GKAP1: variants seen among roughly 807,000 people sequenced by gnomAD.
GKAP1 encodes G kinase anchoring protein 1.
Under a neutral mutation model 56.7 loss-of-function variants are expected in GKAP1, and 31 were observed. That is an observed-to-expected ratio of 0.55 (90% CI 0.41 to 0.74). The LOEUF (loss-of-function observed/expected upper bound fraction) is 0.74, where lower values mean the gene tolerates loss of function less well. Among genes scored for constraint, GKAP1 ranks in the 30% least tolerant of loss-of-function variants. The pLI, the probability that GKAP1 is intolerant of heterozygous loss-of-function variation, is 0.00. For missense variants in GKAP1, 364 were observed against 402.3 expected (o/e 0.90, Z 0.82); for synonymous variants, 151 against 138.6 (o/e 1.09, Z -0.63).
intron 5 of GKAP1, among the ~76,000 whole-genome samples, chr9:83,786,495 T>G (rs184958099): frequency 2.6e-4 from 40 of 151,156 alleles, no homozygotes; most frequent in African/African-American, 9.5e-4. Context: ...GAACCGAGAT[T>G]GCGCCATTAC....
chr9:83,753,452 C>A (rs1237557642), intron 8 of GKAP1, 93 bp from the exon 9 acceptor site: 1 of 834,726 alleles, frequency 1.2e-6, no homozygotes, highest in Non-Finnish European at 2.0e-6. Flanking sequence ...AGGAAAAATT[C>A]TGACCTTAAT....
chr9:83,780,327 G>C (rs1168408830), intron 7 of GKAP1, 55 bp downstream of exon 7: 1 of 1,023,084 alleles, frequency 9.8e-7, no homozygotes, highest in Admixed American at 2.4e-5. Context: ...AAGTATTTAA[G>C]TATTATTCTT....
chr9:83,753,976 G>A (rs1008631362), intron 8 of GKAP1, among the ~76,000 whole-genome samples: 3 of 152,046 alleles, frequency 2.0e-5, no homozygotes, highest in African/African-American at 7.2e-5. Context: ...TTGTTCTTTG[G>A]AACTTAAAAA....
At chr9:83,748,467 G>A (rs1267866649) in intron 9 of GKAP1, 95 bp from the exon 10 acceptor site, 3 of 661,906 alleles carry the variant, frequency 4.5e-6, no homozygotes, top group Non-Finnish European at 5.1e-6. Flanking sequence ...TTCTTGGCTT[G>A]CTCAAAGATA....
chr9:83,769,463 G>A (rs112397204), intron 7 of GKAP1, among the ~76,000 whole-genome samples: 2 of 152,112 alleles, frequency 1.3e-5, no homozygotes. Context: ...GCCTATTATG[G>A]ACATTTTGTA....
chr9:83,799,271 C>T lies in GKAP1; in HGVS notation c.274G>A (p.Ala92Thr), dbSNP rs745867590. The T allele has an allele frequency of 1.6e-5, 25 of 1,605,108 alleles. No individual in the cohort carries two copies. In the East Asian group the frequency reaches 3.8e-4, roughly 25 times the overall value. The part of the protein sequence containing the change: ...PQKSSHAVCN[A>T]QHDLPLSNPV... ...TTTGACAATGGAAGATCATGTTGAG[C>T]GTTACAAACAGCATGGGAGGATTTC... The change falls in exon 4 of 13, where the codon GCT (alanine) becomes ACT (threonine). Residue 92 changes from alanine (A) to threonine (T), a missense_variant. Physicochemically the swap from Ala to Thr is moderately conservative, Grantham distance 58. Transcript: ENST00000376371.
At chr9:83,740,023 A>G (rs1943180534) in intron 12 of GKAP1, among the ~76,000 whole-genome samples, 1 of 152,106 alleles carries the variant, frequency 6.6e-6, no homozygotes, top group Non-Finnish European at 1.5e-5. Context: ...ACTCATTTTG[A>G]CTGTTCTAGA....
chr9:83,754,033 A>G (rs942644793), intron 8 of GKAP1, among the ~76,000 whole-genome samples: 3 of 152,218 alleles, frequency 2.0e-5, no homozygotes, highest in Non-Finnish European at 4.4e-5. Flanking sequence ...CGCAAACAAA[A>G]AGTTGATTTG....
At position 83,799,237 on chromosome 9, in the gene GKAP1, T is replaced by C. The variant is rs150602176; in HGVS notation, c.308A>G (p.Gln103Arg). The change falls in exon 4 of 13, where the codon CAG becomes CGG. Residue 103 changes from glutamine to arginine, a missense_variant. Physicochemically the swap from Gln to Arg is conservative, Grantham distance 43 (BLOSUM62 1). Transcript: ENST00000376371. ...QHDLPLSNPV[Q>R]KDSREENWQE... ...CCAATTTTCTTCTCGTGAATCCTTC[T>C]GTACTGGGTTTGACAATGGAAGATC... The C allele has an allele frequency of 2.0e-5, 32 of 1,612,676 alleles. No individual in the cohort carries two copies. The Admixed American group carries it at 2.3e-4, about 12-fold the overall frequency.
Position 83,747,866 on chromosome 9 carries a change from GC to G in GKAP1, c.904+442del, listed in dbSNP as rs1225185505. Among the ~76,000 whole-genome samples, 4 of 152,098 alleles carry G rather than the reference GC, an allele frequency of 2.6e-5. No individual in the cohort carries two copies. The South Asian group carries it at 8.3e-4, about 32-fold the overall frequency. On this transcript the variant is annotated intron_variant, in intron 10 of 12. Coordinates refer to ENST00000376371, the MANE Select transcript of GKAP1 (RefSeq NM_025211.4). ...TGGCCAGGCTGGTCTCAAACTCCTG[GC>G]CTCAAGTGATCTGCCCACCTTGGCC...
At chr9:83,751,542 G>C (rs913603171) in intron 9 of GKAP1, among the ~76,000 whole-genome samples, 5 of 152,114 alleles carry the variant, frequency 3.3e-5, no homozygotes, top group African/African-American at 1.2e-4. Flanking sequence ...GTCAAAAAAA[G>C]TTTTAGTAGG....
chr9:83,799,449 T>TG, intron 3 of GKAP1, 121 bp from the exon 4 acceptor site: 1 of 658,990 alleles, frequency 1.5e-6, no homozygotes, highest in Non-Finnish European at 2.5e-6. Flanking sequence ...CTCGTTTTGC[T>TG]AACTCACACA....
At chr9:83,763,280 G>C (rs1187173984) in intron 8 of GKAP1, among the ~76,000 whole-genome samples, 2 of 152,294 alleles carry the variant, frequency 1.3e-5, no homozygotes, top group Middle Eastern at 3.4e-3. Context: ...GGTTACTAGA[G>C]GCTGGGAAAC....
chr9:83,779,446 TATAC>T (rs1390863385), intron 7 of GKAP1, among the ~76,000 whole-genome samples: 3 of 117,996 alleles, frequency 2.5e-5, no homozygotes, highest in Admixed American at 8.7e-5. Flanking sequence ...TATATATATA[TATAC>T]ACACACACAC....
At chr9:83,793,301 GC>G (rs2131304636) in intron 4 of GKAP1, among the ~76,000 whole-genome samples, 1 of 152,276 alleles carries the variant, frequency 6.6e-6, no homozygotes, top group Non-Finnish European at 1.5e-5. Flanking sequence ...AACACTTGCA[GC>G]CAACTGATTG....
chr9:83,806,408 C>T lies in GKAP1; in HGVS notation c.110G>A (p.Arg37Gln), dbSNP rs761607485. ...SDSEPGKGKG[R>Q]NTGKSQTLGS... is the part of the protein sequence containing the mutation. ...TAAAGTTTGAGACTTTCCAGTATTT[C>T]GACCTTTACCTTTTCCAGGTTCAGA... The change falls in exon 3 of 13, where the codon CGA becomes CAA. Residue 37 changes from arginine to glutamine, a missense_variant. Physicochemically the swap from Arg to Gln is conservative, Grantham distance 43. Transcript: ENST00000376371. 23 of 1,609,030 alleles carry T rather than the reference C, an allele frequency of 1.4e-5. No individual in the cohort carries two copies. The highest frequency in any genetic ancestry group is 1.9e-5 in the Non-Finnish European group (22 of 1,177,388).
intron 12 of GKAP1, among the ~76,000 whole-genome samples, chr9:83,741,338 T>TAC (rs1287424031): frequency 7.0e-6 from 1 of 142,754 alleles, no homozygotes; most frequent in Non-Finnish European, 1.5e-5. Flanking sequence ...CACATATATA[T>TAC]ACACACACAT....
chr9:83,776,783 C>A lies in GKAP1; in HGVS notation c.585+3599G>T, dbSNP rs80177846. Among the ~76,000 whole-genome samples, 644 of 152,180 alleles carry A rather than the reference C, an allele frequency of 4.2e-3. 7 individuals carry two copies. Among genetic ancestry groups the A allele is most frequent in the African/African-American group, 0.015 (611 of 41,508 alleles). ...TTTTTTTAGCGTATTTTTCTTTATT[C>A]TTTATTTCAATTGCACTCTGATCAT... On this transcript the variant is annotated intron_variant, in intron 7 of 12. Coordinates refer to ENST00000376371, the MANE Select transcript of GKAP1 (RefSeq NM_025211.4).
rs766920548 is a variant in GKAP1 at position 83,768,809 on chromosome 9, T to G, written c.738+9A>C. 4 of 1,599,092 alleles carry G rather than the reference T, an allele frequency of 2.5e-6. No homozygotes were observed. The highest frequency in any genetic ancestry group is 3.4e-6 in the Non-Finnish European group (4 of 1,176,170). On this transcript the variant is annotated intron_variant, in intron 8 of 12. Transcript: ENST00000376371. ...CTGTGATTTTAAGAGAATTTTCTAC[T>G]TTACATGCCTGGTTGTGTTCATGAG...
Sources: allele counts gnomAD v4.1 joint callset (sites outside exome capture counted in the v4.1 genomes callset), GRCh38; gene constraint gnomAD v4.1.1; transcripts MANE v1.5; gene names NCBI Gene and HGNC (gene_info 2026-07-23, HGNC 2026-07-21).